CMSS1: variants seen among roughly 807,000 people sequenced by gnomAD.
CMSS1 encodes the protein cms1 ribosomal small subunit homolog, also known as protein CMSS1.
Under a neutral mutation model 43.5 loss-of-function variants are expected in CMSS1, and 33 were observed. That is an observed-to-expected ratio of 0.76 (90% CI 0.57 to 1.01). The LOEUF (loss-of-function observed/expected upper bound fraction) is 1.01, where lower values mean the gene tolerates loss of function less well. Ranked by LOEUF, CMSS1 falls within the 50% of genes least tolerant of loss-of-function variation. The probability of loss-of-function intolerance (pLI) is 0.00; values close to 1 mark genes in which losing one functional copy is unlikely to be tolerated. For synonymous variants in CMSS1, 115 were observed against 117.2 expected (o/e 0.98, Z 0.12); for missense variants, 313 against 326.4 (o/e 0.96, Z 0.32).
At chr3:100,101,988 T>A (rs1439026579) in intron 1 of CMSS1, among the ~76,000 whole-genome samples, 2 of 152,320 alleles carry the variant, frequency 1.3e-5, no homozygotes, top group South Asian at 4.1e-4. Flanking sequence ...CCATGGTGTA[T>A]ATGTGCCACA....
intron 1 of CMSS1, among the ~76,000 whole-genome samples, chr3:100,087,480 G>T (rs1412318063): frequency 6.6e-6 from 1 of 152,156 alleles, no homozygotes; most frequent in Non-Finnish European, 1.5e-5. Context: ...TTTCCACAAT[G>T]ACTAATGGTG....
intron 1 of CMSS1, among the ~76,000 whole-genome samples, chr3:100,010,778 A>ATTTTTTTT (rs11371196): frequency 9.6e-5 from 9 of 93,668 alleles, no homozygotes; most frequent in African/African-American, 1.8e-4. Context: ...CCACGCCCGG[A>ATTTTTTTT]TTTTTTTTTT....
chr3:100,061,356 T>C (rs2065562857), intron 1 of CMSS1, among the ~76,000 whole-genome samples: 1 of 152,154 alleles, frequency 6.6e-6, no homozygotes, highest in Admixed American at 6.5e-5. Flanking sequence ...TCACAGGTGG[T>C]TGAGGACCCT....
chr3:100,119,079 A>G (rs1233895943), intron 1 of CMSS1, among the ~76,000 whole-genome samples: 2 of 152,282 alleles, frequency 1.3e-5, no homozygotes, highest in East Asian at 1.9e-4. Flanking sequence ...TTTAGTACTA[A>G]CATTATGTGA....
intron 1 of CMSS1, chr3:99,929,837 C>A (rs1023553925): frequency 6.3e-7 from 1 of 1,595,968 alleles, no homozygotes; most frequent in Admixed American, 1.7e-5. Flanking sequence ...CAGGTACACA[C>A]CCCTATTGTG....
chr3:100,147,383 A>G (rs1362011652), intron 2 of CMSS1, among the ~76,000 whole-genome samples: 1 of 138,020 alleles, frequency 7.2e-6, no homozygotes, highest in Admixed American at 8.2e-5. Context: ...CAATCCTCTT[A>G]CCTCAGCCTC....
intron 1 of CMSS1, among the ~76,000 whole-genome samples, chr3:99,946,066 T>C (rs1707998784): frequency 6.6e-6 from 1 of 152,260 alleles, no homozygotes; most frequent in African/African-American, 2.4e-5. Context: ...AATTATGGTC[T>C]TGGTTCATCA....
At chr3:100,080,758 G>A (rs2065920778) in intron 1 of CMSS1, among the ~76,000 whole-genome samples, 1 of 152,174 alleles carries the variant, frequency 6.6e-6, no homozygotes, top group Admixed American at 6.5e-5. Context: ...GGAACTGGAA[G>A]GCTTGTGAGA....
intron 1 of CMSS1, among the ~76,000 whole-genome samples, chr3:99,966,313 C>A (rs1186544782): frequency 6.6e-6 from 1 of 152,150 alleles, no homozygotes. Flanking sequence ...GCAGCCTCCA[C>A]CACCAGTAGC....
chr3:100,009,665 G>C (rs1710087775), intron 1 of CMSS1, among the ~76,000 whole-genome samples: 1 of 152,210 alleles, frequency 6.6e-6, no homozygotes, highest in African/African-American at 2.4e-5. Flanking sequence ...TAAGGGGAAA[G>C]AAAGTCAACA....
chr3:100,104,004 C>G (rs566499209), intron 1 of CMSS1, among the ~76,000 whole-genome samples: 1 of 152,286 alleles, frequency 6.6e-6, no homozygotes, highest in East Asian at 1.9e-4. Flanking sequence ...GTCCTCTTAC[C>G]TTATTTGCTT....
intron 1 of CMSS1, among the ~76,000 whole-genome samples, chr3:99,970,131 G>A (rs1475482889): frequency 6.6e-6 from 1 of 152,154 alleles, no homozygotes; most frequent in Non-Finnish European, 1.5e-5. Context: ...CTCATACTTT[G>A]CGTGCATTAA....
intron 1 of CMSS1, among the ~76,000 whole-genome samples, chr3:99,932,531 C>T (rs923243810): frequency 4.6e-5 from 7 of 151,954 alleles, no homozygotes; most frequent in African/African-American, 2.4e-5. Flanking sequence ...CATTCTTGCA[C>T]ATTTTTTTCC....
intron 1 of CMSS1, among the ~76,000 whole-genome samples, chr3:100,121,242 AG>A (rs1245655575): frequency 8.5e-5 from 11 of 129,308 alleles, no homozygotes; most frequent in Non-Finnish European, 9.9e-5. Context: ...TCCCTCCCCT[AG>A]CCCCCCACCC....
At chr3:99,930,123 C>T in intron 1 of CMSS1, 1 of 987,568 alleles carries the variant, frequency 1.0e-6, no homozygotes, top group Admixed American at 2.5e-5. Context: ...TTTTTCTTCT[C>T]TTTCAAATCT....
rs1407969620 is a variant in CMSS1 at position 100,027,347 on chromosome 3, T to G, written c.65-119626T>G. On this transcript the variant is annotated intron_variant, in intron 1 of 9. Coordinates refer to ENST00000421999, the MANE Select transcript of CMSS1 (RefSeq NM_032359.4). ...ACATGGTAGGTGTTCAATAAATGTT[T>G]GATGAATGAATGAATCTTAAAAACA... Among the ~76,000 whole-genome samples, 5 of 152,264 alleles carry G rather than the reference T, an allele frequency of 3.3e-5. No homozygotes were observed. The East Asian group carries it at 7.7e-4, about 23-fold the overall frequency.
intron 1 of CMSS1, among the ~76,000 whole-genome samples, chr3:99,982,402 C>T (rs1022802574): frequency 1.3e-5 from 2 of 151,988 alleles, no homozygotes; most frequent in Non-Finnish European, 2.9e-5. Context: ...TGTAGTGGCG[C>T]ATTCATGGCT....
At chr3:100,141,480 AC>A (rs2066804105) in intron 1 of CMSS1, 1 of 445,902 alleles carries the variant, frequency 2.2e-6, no homozygotes, top group Non-Finnish European at 4.5e-6. Flanking sequence ...GTCTTAACGT[AC>A]TCTTTTGCAC....
At position 99,929,793 on chromosome 3, in the gene CMSS1, T is replaced by C; in HGVS notation, c.64+111750T>C. 4 of 1,230,418 alleles carry C rather than the reference T, an allele frequency of 3.3e-6. 1 individual carries two copies. The South Asian group carries it at 4.6e-5, about 14-fold the overall frequency. 76.2% of individuals were successfully genotyped at this position (1,230,418 alleles called of 1,614,324 possible). ...GGAATCAAAGAGGAGTTACAGATCATGCTCATCTGCAGGGCTAGTGCTTGG... is the reference window on the plus strand; with the variant it reads ...GGAATCAAAGAGGAGTTACAGATCACGCTCATCTGCAGGGCTAGTGCTTGG... On this transcript the variant is annotated intron_variant, in intron 1 of 9. Transcript: ENST00000421999.
Sources: allele counts gnomAD v4.1 joint callset (sites outside exome capture counted in the v4.1 genomes callset), GRCh38; gene constraint gnomAD v4.1.1; transcripts MANE v1.5; gene names NCBI Gene and HGNC (gene_info 2026-07-23, HGNC 2026-07-21).